The following ZZEF1 variants were observed in gnomAD, a reference collection of about 807,000 sequenced individuals.
The protein encoded by ZZEF1 is zinc finger ZZ-type and EF-hand domain containing 1.
In ZZEF1, 157 loss-of-function variants were observed where a neutral mutation model predicts 342.8. The observed-to-expected ratio is 0.46, with a 90% CI of 0.40 to 0.52. The LOEUF (loss-of-function observed/expected upper bound fraction) is 0.52, where lower values mean the gene tolerates loss of function less well. Ranked by LOEUF, ZZEF1 falls within the 20% of genes least tolerant of loss-of-function variation. ZZEF1 has a pLI of 0.00. For missense variants in ZZEF1, 3,480 were observed against 3,725.6 expected (o/e 0.93, Z 1.72); for synonymous variants, 1,505 against 1,429.1 (o/e 1.05, Z -1.20).
Position 4,016,573 on chromosome 17 carries a change from A to C in ZZEF1, c.8002-107T>G, listed in dbSNP as rs1597758019. ...CCCAAAGGTGCTGGCATCATCTTAGACCTAGGACGAGCCTCTGTGACTCCA... is the reference window on the plus strand; with the variant it reads ...CCCAAAGGTGCTGGCATCATCTTAGCCCTAGGACGAGCCTCTGTGACTCCA... On this transcript the variant is annotated intron_variant, in intron 48 of 54. Transcript: ENST00000381638. The surrounding 1 kb of genome is among the most constrained non-coding windows in gnomAD (Gnocchi z 4.4). 1 of 1,364,954 alleles carries C rather than the reference A, an allele frequency of 7.3e-7. No individual in the cohort carries two copies. Among genetic ancestry groups the C allele is most frequent in the Non-Finnish European group, 9.7e-7 (1 of 1,027,818 alleles). The allele number at this position is 1,364,954 out of a possible 1,614,324, so 84.6% of individuals were successfully genotyped here. A position where few individuals can be genotyped will look rare whatever the true frequency, so the allele number is the denominator to read the frequency against.
At position 4,090,773 on chromosome 17, in the gene ZZEF1, C is replaced by T. The variant is rs748341291; in HGVS notation, c.1971G>A (p.Leu657=). Residue 657 remains leucine, a synonymous_variant, in exon 12 of 55, where the codon CTG becomes CTA. Transcript: ENST00000381638. ...CATCTGCTTCATCCCATTCTTCTTC[C>T]AGTTCAAACCAGCCAATAGGATCAT... is the stretch of plus-strand genomic sequence containing the variant. The part of the protein sequence containing the change: ...GEDDPIGWFE[L]EEEWDEADVK... 6.2e-7 allele frequency: 1 copy of T among 1,614,160 alleles called. No individual in the cohort carries two copies. The highest frequency in any genetic ancestry group is 1.1e-5 in the South Asian group (1 of 91,088).
intron 43 of ZZEF1, among the ~76,000 whole-genome samples, chr17:4,024,254 A>G (rs2056352454): frequency 7.5e-6 from 1 of 132,856 alleles, no homozygotes; most frequent in African/African-American, 2.9e-5. Flanking sequence ...CTGGAGTGCA[A>G]TGGCATGATC....
At chr17:4,100,842 T>C (rs574901786) in intron 9 of ZZEF1, among the ~76,000 whole-genome samples, 12 of 151,964 alleles carry the variant, frequency 7.9e-5, no homozygotes, top group Admixed American at 2.0e-4. Flanking sequence ...CTCAAAAAAA[T>C]ATAAAAATAA....
rs535004475 is a variant in ZZEF1, at chr17:4,016,229, AGAGGGGCTGAGCATG to A, written c.8145+79_8145+93del. 443 of 1,452,782 alleles carry A rather than the reference AGAGGGGCTGAGCATG, an allele frequency of 3.0e-4. 3 individuals are homozygous for A. The African/African-American group carries it at 5.3e-3, about 17-fold the overall frequency. The allele number at this position is 1,452,782 out of a possible 1,614,324, so 90.0% of individuals were successfully genotyped here. ...CTGCTGTCCAGCGGGAGAGAGCCAC[AGAGGGGCTGAGCATG>A]GAGGGGCTGAGCACGGAGGGGCTGA... On this transcript the variant is annotated intron_variant, in intron 49 of 54. Coordinates refer to ENST00000381638, the MANE Select transcript of ZZEF1 (RefSeq NM_015113.4). The surrounding 1 kb of genome is among the most constrained non-coding windows in gnomAD (Gnocchi z 4.4).
chr17:4,063,634 T>A (rs2057329180), intron 29 of ZZEF1, among the ~76,000 whole-genome samples: 1 of 152,304 alleles, frequency 6.6e-6, no homozygotes, highest in Non-Finnish European at 1.5e-5. Flanking sequence ...TAATCTTGAC[T>A]TACTGTAGCC....
rs541610343 is a variant in ZZEF1, at chr17:4,041,038, C to G, written c.6306+1391G>C. Among the ~76,000 whole-genome samples, 18 of 152,256 alleles carry G rather than the reference C, an allele frequency of 1.2e-4. 1 individual carries two copies. The South Asian group carries it at 2.3e-3, about 19-fold the overall frequency. On this transcript the variant is annotated intron_variant, in intron 39 of 54. Transcript: ENST00000381638. Reference sequence around the variant, plus strand: ...TATTAAGAGAGAACAAAGGCTCCGGCTGATGTGCCTGCTCAGCCTCCAAAG... The same window carrying G: ...TATTAAGAGAGAACAAAGGCTCCGGGTGATGTGCCTGCTCAGCCTCCAAAG...
Position 4,017,115 on chromosome 17 carries a change from T to C in ZZEF1, c.8001+256A>G, listed in dbSNP as rs1205109330. The C allele has an allele frequency of 2.1e-6, 1 of 482,010 alleles. No individual in the cohort carries two copies. Among genetic ancestry groups the C allele is most frequent in the Non-Finnish European group, 3.7e-6 (1 of 269,382 alleles). The allele number at this position is 482,010 out of a possible 1,614,324, so 29.9% of individuals were successfully genotyped here. Reference sequence around the variant, plus strand: ...AGGAGCTACCGAATGTGCCTCAAGATTTCTGCACTTGGAAACTGGGAAGAT... The same window carrying C: ...AGGAGCTACCGAATGTGCCTCAAGACTTCTGCACTTGGAAACTGGGAAGAT... On this transcript the variant is annotated intron_variant, in intron 48 of 54. Transcript: ENST00000381638. The surrounding 1 kb of genome is among the most constrained non-coding windows in gnomAD (Gnocchi z 5.1).
intron 7 of ZZEF1, 39 bp from the exon 8 acceptor site, chr17:4,104,850 C>T (rs1315931946): frequency 1.3e-6 from 2 of 1,587,588 alleles, no homozygotes; most frequent in South Asian, 1.1e-5. Flanking sequence ...TTCTTAAAAA[C>T]ATGAAAAAAT....
intron 5 of ZZEF1, 52 bp from the exon 6 acceptor site, chr17:4,109,915 T>G (rs368241570): frequency 1.9e-6 from 3 of 1,590,612 alleles, no homozygotes; most frequent in Non-Finnish European, 2.6e-6. Flanking sequence ...TTTAGGCAAA[T>G]GCTGGGCTCC....
chr17:4,023,185 G>A (rs1478336664), intron 43 of ZZEF1, among the ~76,000 whole-genome samples: 3 of 152,134 alleles, frequency 2.0e-5, no homozygotes, highest in Admixed American at 6.6e-5. Flanking sequence ...TACTCACTCC[G>A]CGTGTAATGC....
At chr17:4,045,534 G>T (rs1256416313) in intron 37 of ZZEF1, among the ~76,000 whole-genome samples, 5 of 152,148 alleles carry the variant, frequency 3.3e-5, no homozygotes, top group African/African-American at 1.2e-4. Context: ...CAATTCTATA[G>T]CCTAGAAATA....
In ZZEF1 at chr17:4,032,818, A is replaced by C; in HGVS notation, c.6759+10T>G. On this transcript the variant is annotated intron_variant, in intron 41 of 54. Coordinates refer to ENST00000381638, the MANE Select transcript of ZZEF1 (RefSeq NM_015113.4). Reference sequence around the variant, plus strand: ...GGTGACCAGGCCCTCAGGCCTTCAGAGTGTGGTACCTGGGGGAAGCCAACC... The same window carrying C: ...GGTGACCAGGCCCTCAGGCCTTCAGCGTGTGGTACCTGGGGGAAGCCAACC... The C allele has an allele frequency of 6.2e-7, 1 of 1,613,246 alleles. No homozygotes were observed. Among genetic ancestry groups the C allele is most frequent in the Non-Finnish European group, 8.5e-7 (1 of 1,179,258 alleles).
At chr17:4,083,002 C>T (rs1342071221) in intron 16 of ZZEF1, among the ~76,000 whole-genome samples, 2 of 152,128 alleles carry the variant, frequency 1.3e-5, no homozygotes, top group African/African-American at 4.8e-5. Flanking sequence ...TCTTGAACTC[C>T]TGACCTCAGG....
intron 18 of ZZEF1, among the ~76,000 whole-genome samples, chr17:4,080,685 C>T (rs1021418160): frequency 6.6e-6 from 1 of 152,092 alleles, no homozygotes; most frequent in African/African-American, 2.4e-5. Flanking sequence ...CCACTGTGAC[C>T]GGTCCTGAAT....
At position 4,017,488 on chromosome 17, in the gene ZZEF1, G is replaced by A. The variant is rs768026817; in HGVS notation, c.7884C>T (p.Ala2628=). 51 of 1,614,142 alleles carry A rather than the reference G, an allele frequency of 3.2e-5. No homozygotes were observed. The highest frequency in any genetic ancestry group is 4.0e-5 in the African/African-American group (3 of 74,954). Residue 2628 remains alanine, a synonymous_variant, in exon 48 of 55, where the codon GCC becomes GCT. Transcript: ENST00000381638. The surrounding 1 kb of genome is among the most constrained non-coding windows in gnomAD (Gnocchi z 5.1). ...TCACTGGCACGTGGCTAGGCCACTCGGCGAGCAGGGATGCAAGCACGTGGC... is the reference window on the plus strand; with the variant it reads ...TCACTGGCACGTGGCTAGGCCACTCAGCGAGCAGGGATGCAAGCACGTGGC... ...YARHVLASLL[A]EWPSHVPVSE...
At chr17:4,067,502 T>C (rs1433059475) in intron 26 of ZZEF1, among the ~76,000 whole-genome samples, 1 of 152,154 alleles carries the variant, frequency 6.6e-6, no homozygotes, top group Non-Finnish European at 1.5e-5. Flanking sequence ...GTGTGTAAAA[T>C]ATTAAAAGAT....
rs551438659 is a variant in ZZEF1, at chr17:4,006,979, G to A, written c.8806-9C>T. The stretch of plus-strand genomic sequence containing the variant: ...GCAATGTTCTGCAGAGCCTGTAGAG[G>A]GAAAAAGAGTTGTCGCCAATGTCGG... On this transcript the variant is annotated splice_polypyrimidine_tract_variant and intron_variant, in intron 54 of 54. Coordinates refer to ENST00000381638, the MANE Select transcript of ZZEF1 (RefSeq NM_015113.4). The A allele has an allele frequency of 6.3e-7, 1 of 1,577,806 alleles. No homozygotes were observed.
chr17:4,051,823 T>TG, intron 35 of ZZEF1, 148 bp downstream of exon 35: 1 of 721,774 alleles, frequency 1.4e-6, no homozygotes, highest in East Asian at 2.9e-5. Flanking sequence ...AATGGGTACA[T>TG]GAAGGTTCAC....
chr17:4,111,157 A>G (rs1251631539), intron 5 of ZZEF1, among the ~76,000 whole-genome samples: 1 of 152,166 alleles, frequency 6.6e-6, no homozygotes, highest in African/African-American at 2.4e-5. Flanking sequence ...ATACAGCTCT[A>G]TTTTTTAGGA....
Sources: gnomAD v4.1 joint callset for allele counts (sites outside exome capture counted in the v4.1 genomes callset) on GRCh38, gnomAD v4.1.1 for gene constraint, Gnocchi (gnomAD v3.1) non-coding constraint, MANE v1.5 for transcripts, NCBI Gene and HGNC (gene_info 2026-07-23, HGNC 2026-07-21) for gene names.